The following PCDHGB6 variants were observed in gnomAD, a reference collection of about 807,000 sequenced individuals.
PCDHGB6 encodes the protein protocadherin gamma-B6.
Under a neutral mutation model 59.1 loss-of-function variants are expected in PCDHGB6, and 51 were observed. The ratio of observed to expected loss-of-function variants is 0.86; its 90% confidence interval spans 0.69 to 1.09. PCDHGB6 has a LOEUF of 1.09. Among genes scored for constraint, PCDHGB6 ranks in the 50% least tolerant of loss-of-function variants. The pLI is 0.00. For synonymous variants in PCDHGB6, 466 were observed against 495.1 expected (o/e 0.94, Z 0.78); for missense variants, 1,148 against 1,205.1 (o/e 0.95, Z 0.70).
intron 2 of PCDHGB6, among the ~76,000 whole-genome samples, chr5:141,501,966 C>A (rs1046026111): frequency 1.3e-5 from 2 of 152,118 alleles, no homozygotes; most frequent in African/African-American, 4.8e-5. Context: ...ATCCTCCTAA[C>A]CTCTGGCATC....
intron 1 of PCDHGB6, chr5:141,416,205 A>T (rs1239154825): frequency 1.3e-5 from 2 of 152,458 alleles, no homozygotes; most frequent in Non-Finnish European, 2.9e-5. Context: ...CAATTTATTT[A>T]TAACAATGTA....
At chr5:141,419,702 G>T (rs116279995) in intron 1 of PCDHGB6, 2 of 1,612,834 alleles carry the variant, frequency 1.2e-6, no homozygotes, top group East Asian at 4.5e-5. Context: ...CAGTGAGCCC[G>T]GGCTCTTCAG....
chr5:141,415,368 T>C (rs762653261), intron 1 of PCDHGB6: 1 of 1,614,244 alleles, frequency 6.2e-7, no homozygotes, highest in Non-Finnish European at 8.5e-7. Context: ...TGCTGCAGGC[T>C]TCAGGAGGCG....
chr5:141,418,576 C>T, intron 1 of PCDHGB6: 2 of 1,614,012 alleles, frequency 1.2e-6, no homozygotes, highest in South Asian at 1.1e-5. Flanking sequence ...ATGACAACCC[C>T]CCAGTGTTCA....
chr5:141,414,066 A>G, intron 1 of PCDHGB6: 2 of 1,608,358 alleles, frequency 1.2e-6, no homozygotes, highest in African/African-American at 1.3e-5. Context: ...TGAAGTTCCA[A>G]CTAAACAAAT....
At chr5:141,418,013 A>G (rs769578436) in intron 1 of PCDHGB6, 45 of 1,613,788 alleles carry the variant, frequency 2.8e-5, no homozygotes, top group African/African-American at 4.0e-5. Flanking sequence ...GAACCTCGCT[A>G]AGGATCTAGG....
At chr5:141,496,021 G>T (rs1011612662) in intron 2 of PCDHGB6, among the ~76,000 whole-genome samples, 2 of 151,336 alleles carry the variant, frequency 1.3e-5, no homozygotes, top group African/African-American at 4.9e-5. Flanking sequence ...TTTTCTCTGA[G>T]CCTCTGTCTC....
chr5:141,430,480 A>G (rs2097288752), intron 1 of PCDHGB6: 1 of 256,116 alleles, frequency 3.9e-6, no homozygotes, highest in Admixed American at 5.4e-5. Context: ...TTAAGATATA[A>G]AAACGAAATA....
Position 141,462,070 on chromosome 5 carries a change from G to A in PCDHGB6, c.2419-32737G>A, listed in dbSNP as rs572217894. Among the ~76,000 whole-genome samples the A allele has an allele frequency of 2.6e-5, 4 of 152,196 alleles. No homozygotes were observed. In the East Asian group the frequency reaches 7.7e-4, roughly 29 times the overall value. Reference sequence around the variant, plus strand: ...ACTCCCGACCTCAGGTGATCTGCCCGCCTTGGCCTCCCAAAATGCTGGGAT... The same window carrying A: ...ACTCCCGACCTCAGGTGATCTGCCCACCTTGGCCTCCCAAAATGCTGGGAT... On this transcript the variant is annotated intron_variant, in intron 1 of 3. Transcript: ENST00000520790.
chr5:141,428,115 G>A (rs753384738), intron 1 of PCDHGB6: 2 of 1,607,178 alleles, frequency 1.2e-6, no homozygotes, highest in Non-Finnish European at 8.5e-7. Flanking sequence ...GCAGGCCATC[G>A]AGCCCGGGCT....
chr5:141,436,140 A>G (rs1324666699), intron 1 of PCDHGB6, among the ~76,000 whole-genome samples: 2 of 152,224 alleles, frequency 1.3e-5, no homozygotes, highest in Non-Finnish European at 2.9e-5. Flanking sequence ...TCTTGTATGA[A>G]CTACCAAAAT....
intron 1 of PCDHGB6, chr5:141,418,983 A>T: frequency 6.2e-7 from 1 of 1,613,900 alleles, no homozygotes; most frequent in Admixed American, 1.7e-5. Context: ...CGGGACCAAG[A>T]CTCAGGGGAA....
intron 1 of PCDHGB6, chr5:141,413,227 G>A (rs552225139): frequency 1.9e-5 from 30 of 1,613,938 alleles, no homozygotes; most frequent in Non-Finnish European, 2.5e-5. Flanking sequence ...CAGCGGGCTG[G>A]TCCTGCTCTG....
chr5:141,438,623 TATATATATATATACAC>T (rs1207200307), intron 1 of PCDHGB6, among the ~76,000 whole-genome samples: 21 of 42,842 alleles, frequency 4.9e-4, no homozygotes, highest in South Asian at 2.6e-3. Flanking sequence ...TATATATATA[TATATATATATATACAC>T]ACACACACAC....
intron 1 of PCDHGB6, chr5:141,417,116 C>A (rs1407873769): frequency 6.6e-6 from 1 of 151,954 alleles, no homozygotes; most frequent in Non-Finnish European, 1.5e-5. Context: ...ATACAGGACA[C>A]CCTGGATGAT....
chr5:141,476,070 C>T lies in PCDHGB6; in HGVS notation c.2419-18737C>T. ...CCCGCTGAAAGTTTCTCAGCGAAAT[C>T]TCAGGGACGATCTGGACCCCGCTGA... is the stretch of plus-strand genomic sequence containing the variant. On this transcript the variant is annotated intron_variant, in intron 1 of 3. Transcript: ENST00000520790. This position sits in a 1 kb window ranked among gnomAD's most constrained non-coding sequence, Gnocchi z 7.6. 6.6e-7 allele frequency: 1 copy of T among 1,522,382 alleles called. No individual in the cohort carries two copies. The highest frequency in any genetic ancestry group is 1.3e-5 in the South Asian group (1 of 77,762). 94.3% of individuals were successfully genotyped at this position (1,522,382 alleles called of 1,614,324 possible). A position where few individuals can be genotyped will look rare whatever the true frequency, so the allele number is the denominator to read the frequency against.
intron 1 of PCDHGB6, chr5:141,413,467 G>T: frequency 6.2e-7 from 1 of 1,614,136 alleles, no homozygotes; most frequent in Non-Finnish European, 8.5e-7. Context: ...AGACCGGGAG[G>T]AGCTCTGCGC....
intron 1 of PCDHGB6, chr5:141,410,911 T>C (rs927103159): frequency 2.6e-5 from 7 of 267,884 alleles, no homozygotes; most frequent in African/African-American, 7.8e-5. Flanking sequence ...TGGAGTGCAG[T>C]GGCGTGATCT....
Position 141,510,999 on chromosome 5 carries a change from G to C in PCDHGB6, c.2619G>C (p.Leu873Phe). Residue 873 changes from leucine (L) to phenylalanine (F), a missense_variant, in exon 4 of 4, where the codon TTG (leucine) becomes TTC (phenylalanine). Around this residue, in one of 5 missense-constraint regions of PCDHGB6, gnomAD observed 283 missense variants for 318.6 expected, o/e 0.89. Coordinates refer to ENST00000520790, the MANE Select transcript of PCDHGB6 (RefSeq NM_018926.3). ...GAGGGGGTGCCGGCACCATGGGATT[G>C]AGCGCCCGCTACGGACCCCAGTTCA... ...TLGGGAGTMG[L>F]SARYGPQFTL... 6.2e-7 allele frequency: 1 copy of C among 1,614,144 alleles called. No homozygotes were observed. Among genetic ancestry groups the C allele is most frequent in the Non-Finnish European group, 8.5e-7 (1 of 1,180,008 alleles).
Sources: allele counts gnomAD v4.1 joint callset (sites outside exome capture counted in the v4.1 genomes callset), GRCh38; gene constraint gnomAD v4.1.1; regional missense constraint gnomAD v4.1.1; non-coding constraint Gnocchi (gnomAD v3.1); transcripts MANE v1.5; gene names NCBI Gene and HGNC (gene_info 2026-07-23, HGNC 2026-07-21).